XIRP2: variants seen among roughly 807,000 people sequenced by gnomAD.
The protein encoded by XIRP2 is xin actin binding repeat containing 2, also known as xin actin-binding repeat-containing protein 2.
XIRP2 carries 236 observed loss-of-function variants against 277.0 expected under a neutral mutation model. The observed-to-expected ratio is 0.85, with a 90% CI of 0.77 to 0.95. XIRP2 has a LOEUF of 0.95. Ranked by LOEUF, XIRP2 falls within the 40% of genes least tolerant of loss-of-function variation. The probability of loss-of-function intolerance (pLI) is 0.00; values close to 1 mark genes in which losing one functional copy is unlikely to be tolerated. For missense variants in XIRP2, 4,640 were observed against 4,157.5 expected, an observed-to-expected ratio of 1.12 and a Z score of -3.19; for synonymous variants, 1,490 against 1,416.5, an observed-to-expected ratio of 1.05 and a Z score of -1.17.
intron 3 of XIRP2, among the ~76,000 whole-genome samples, chr2:167,143,419 T>C (rs1691781235): frequency 6.6e-6 from 1 of 152,014 alleles, no homozygotes; most frequent in South Asian, 2.1e-4. Flanking sequence ...AGAACGCATG[T>C]GTGAGAAGGA....
intron 2 of XIRP2, among the ~76,000 whole-genome samples, chr2:166,908,296 T>C (rs1381484907): frequency 6.6e-6 from 1 of 152,214 alleles, no homozygotes; most frequent in African/African-American, 2.4e-5. Flanking sequence ...GACATTTTAA[T>C]GATCACCATT....
chr2:167,138,739 G>A (rs1288210887), intron 3 of XIRP2, among the ~76,000 whole-genome samples: 5 of 152,122 alleles, frequency 3.3e-5, no homozygotes, highest in Non-Finnish European at 7.3e-5. Flanking sequence ...CAGTGTAAAT[G>A]ATTTGATTAA....
chr2:167,135,625 A>C (rs896692744), intron 2 of XIRP2, among the ~76,000 whole-genome samples: 1 of 152,042 alleles, frequency 6.6e-6, no homozygotes, highest in African/African-American at 2.4e-5. Context: ...TTGTATTGTG[A>C]CCCTTATTTC....
intron 2 of XIRP2, among the ~76,000 whole-genome samples, chr2:167,101,413 C>G (rs1218001272): frequency 2.6e-5 from 4 of 152,044 alleles, no homozygotes; most frequent in African/African-American, 9.7e-5. Context: ...TTTTGGTGCA[C>G]CCATCACCCA....
At chr2:167,093,265 T>G (rs915145791) in intron 2 of XIRP2, among the ~76,000 whole-genome samples, 1 of 149,266 alleles carries the variant, frequency 6.7e-6, no homozygotes, top group African/African-American at 2.6e-5. Context: ...TTATCAAGTG[T>G]ATGTTTGATT....
chr2:167,144,806 A>G (rs1313376181), intron 3 of XIRP2, among the ~76,000 whole-genome samples: 7 of 152,148 alleles, frequency 4.6e-5, no homozygotes, highest in Non-Finnish European at 1.0e-4. Flanking sequence ...ATTGCTTCAT[A>G]GTTATATTGT....
At chr2:167,023,409 T>G (rs1231729018) in intron 2 of XIRP2, among the ~76,000 whole-genome samples, 1 of 151,986 alleles carries the variant, frequency 6.6e-6, no homozygotes, top group East Asian at 1.9e-4. Flanking sequence ...GTAGGTTGCC[T>G]GTTCACTCTG....
intron 5 of XIRP2, among the ~76,000 whole-genome samples, chr2:167,229,921 T>A (rs1453665630): frequency 6.6e-6 from 1 of 152,108 alleles, no homozygotes; most frequent in African/African-American, 2.4e-5. Context: ...TTGGACTTGT[T>A]CTTTTTCCTT....
intron 1 of XIRP2, among the ~76,000 whole-genome samples, chr2:166,890,185 G>T (rs1390463093): frequency 6.6e-6 from 1 of 151,720 alleles, no homozygotes; most frequent in African/African-American, 2.4e-5. Flanking sequence ...AGTAGAGATG[G>T]GGTTTCACCG....
intron 2 of XIRP2, among the ~76,000 whole-genome samples, chr2:166,999,800 T>C (rs941244787): frequency 1.3e-5 from 2 of 152,150 alleles, no homozygotes; most frequent in Non-Finnish European, 2.9e-5. Context: ...GAACTAAAAA[T>C]TCAAGAGCAT....
chr2:166,902,596 T>TTGTG (rs150881919), intron 1 of XIRP2, among the ~76,000 whole-genome samples: 4 of 150,414 alleles, frequency 2.7e-5, no homozygotes, highest in African/African-American at 7.3e-5. Context: ...TGCCCATGAT[T>TTGTG]TGTGTGTGTG....
chr2:167,140,597 C>T (rs140949251), intron 3 of XIRP2, among the ~76,000 whole-genome samples: 62 of 152,234 alleles, frequency 4.1e-4, no homozygotes, highest in African/African-American at 1.4e-3. Flanking sequence ...CTCCCAGCAC[C>T]GGCTTCTGCT....
chr2:167,061,646 A>G (rs1357211721), intron 2 of XIRP2, among the ~76,000 whole-genome samples: 1 of 152,224 alleles, frequency 6.6e-6, no homozygotes, highest in East Asian at 1.9e-4. Context: ...ATTAGAGTAG[A>G]CCTTATTACA....
chr2:167,248,529 C>T lies in XIRP2; in HGVS notation c.7137C>T (p.Leu2379=), dbSNP rs1477776429. The change falls in exon 9 of 11, where the codon CTC becomes CTT. Residue 2379 remains leucine (L), a synonymous_variant. Transcript: ENST00000409195. ...PPTPSQKPAH[L]LSSSAPEKHS... ...CTCCATCTCAAAAGCCAGCACATCT[C>T]CTTTCCTCCTCTGCTCCGGAAAAGC... 1 of 1,613,692 alleles carries T rather than the reference C, an allele frequency of 6.2e-7. No individual in the cohort carries two copies. The highest frequency in any genetic ancestry group is 1.7e-4 in the Middle Eastern group (1 of 6,058).
Position 167,242,980 on chromosome 2 carries a change from A to G in XIRP2, c.1588A>G (p.Asn530Asp), listed in dbSNP as rs1461809746. 2.5e-6 allele frequency: 4 copies of G among 1,613,940 alleles called. No homozygotes were observed. In the African/African-American group the frequency reaches 5.3e-5, roughly 22 times the overall value. The change falls in exon 9 of 11, where the codon AAC (asparagine) becomes GAC (aspartate). Residue 530 changes from asparagine (N) to aspartate (D), a missense_variant. Transcript: ENST00000409195. ...EVSEIVSSQM[N>D]SGSSVSADVQ... The stretch of plus-strand genomic sequence containing the variant: ...TTCTGAGATTGTTTCTAGTCAAATG[A>G]ACTCAGGGAGTTCAGTCTCAGCAGA...
intron 2 of XIRP2, among the ~76,000 whole-genome samples, chr2:166,906,477 A>T (rs1340891698): frequency 6.6e-6 from 1 of 152,066 alleles, no homozygotes; most frequent in Non-Finnish European, 1.5e-5. Context: ...TTTACTTGTA[A>T]GTAGATGTAC....
intron 5 of XIRP2, among the ~76,000 whole-genome samples, chr2:167,229,733 TA>T (rs1694700303): frequency 6.6e-6 from 1 of 152,082 alleles, no homozygotes; most frequent in South Asian, 2.1e-4. Context: ...ATTATCATGC[TA>T]AAAAAACTGG....
chr2:167,151,861 T>C (rs1692025605), intron 3 of XIRP2, among the ~76,000 whole-genome samples: 1 of 152,156 alleles, frequency 6.6e-6, no homozygotes, highest in African/African-American at 2.4e-5. Flanking sequence ...ACCATTTCAC[T>C]GTATTTTTTA....
intron 3 of XIRP2, among the ~76,000 whole-genome samples, chr2:167,142,083 CCTA>C (rs1027232059): frequency 6.6e-6 from 1 of 152,068 alleles, no homozygotes; most frequent in African/African-American, 2.4e-5. Context: ...TGGAATCACT[CCTA>C]CCCTGGTTTA....
Sources: allele counts gnomAD v4.1 joint callset (sites outside exome capture counted in the v4.1 genomes callset), GRCh38; gene constraint gnomAD v4.1.1; transcripts MANE v1.5; gene names NCBI Gene and HGNC (gene_info 2026-07-23, HGNC 2026-07-21).